The following GCM1 variants were observed in gnomAD, a reference collection of about 807,000 sequenced individuals.
GCM1 encodes chorion-specific transcription factor GCMa.
Under a neutral mutation model 25.7 loss-of-function variants are expected in GCM1, and 2 were observed. The observed-to-expected ratio is 0.08, with a 90% CI of 0.03 to 0.24. The LOEUF is 0.24. Ranked by LOEUF, GCM1 falls within the 10% of genes least tolerant of loss-of-function variation. The pLI, the probability that GCM1 is intolerant of heterozygous loss-of-function variation, is 1.00. For missense variants in GCM1, 395 were observed against 538.7 expected (o/e 0.73, Z 2.64); for synonymous variants, 183 against 195.7 (o/e 0.94, Z 0.54).
At chr6:53,139,618 G>A (rs974680488) in intron 2 of GCM1, among the ~76,000 whole-genome samples, 4 of 151,836 alleles carry the variant, frequency 2.6e-5, no homozygotes, top group Admixed American at 1.3e-4. Flanking sequence ...CTGTAATCCC[G>A]GCACTTTGGG....
At chr6:53,140,530 CAAAA>C (rs10629921) in intron 2 of GCM1, among the ~76,000 whole-genome samples, 4 of 128,594 alleles carry the variant, frequency 3.1e-5, no homozygotes, top group African/African-American at 1.1e-4. Flanking sequence ...TTCTCTCTAC[CAAAA>C]AAAAAAAAAA....
rs567097745 is a variant in GCM1 at position 53,129,044 on chromosome 6, T to C, written c.571-98A>G. ...TTACTCTGTACAAATAAGAGCTCCATCAGATTTTCCTCATTCCTTACACAT... is the reference window on the plus strand; with the variant it reads ...TTACTCTGTACAAATAAGAGCTCCACCAGATTTTCCTCATTCCTTACACAT... On this transcript the variant is annotated intron_variant, in intron 5 of 5. Coordinates refer to ENST00000259803, the MANE Select transcript of GCM1 (RefSeq NM_003643.4). 57 of 946,412 alleles carry C rather than the reference T, an allele frequency of 6.0e-5. No individual in the cohort carries two copies. In the African/African-American group the frequency reaches 8.0e-4, roughly 13 times the overall value. 58.6% of individuals were successfully genotyped at this position (946,412 alleles called of 1,614,324 possible). A position where few individuals can be genotyped will look rare whatever the true frequency, so the allele number is the denominator to read the frequency against.
At chr6:53,134,837 C>T (rs575725031) in intron 2 of GCM1, among the ~76,000 whole-genome samples, 4 of 152,154 alleles carry the variant, frequency 2.6e-5, no homozygotes, top group Admixed American at 6.5e-5. Context: ...AACATTGTGG[C>T]GGGATAGTGA....
At chr6:53,148,165 G>A (rs1178188570) in intron 1 of GCM1, among the ~76,000 whole-genome samples, 1 of 152,160 alleles carries the variant, frequency 6.6e-6, no homozygotes. Context: ...TAATTCAAAG[G>A]ACTTAAATAA....
chr6:53,136,032 A>G (rs1562089145), intron 2 of GCM1, among the ~76,000 whole-genome samples: 1 of 152,254 alleles, frequency 6.6e-6, no homozygotes, highest in East Asian at 1.9e-4. Context: ...TAGATTCCAT[A>G]TAACGATACT....
chr6:53,143,342 T>C (rs1369463444), intron 2 of GCM1, among the ~76,000 whole-genome samples: 2 of 152,206 alleles, frequency 1.3e-5, no homozygotes, highest in African/African-American at 4.8e-5. Context: ...GAGCCTCAAG[T>C]TTCCCTATAG....
At chr6:53,132,732 C>A (rs1387279328) in intron 3 of GCM1, among the ~76,000 whole-genome samples, 3 of 152,038 alleles carry the variant, frequency 2.0e-5, no homozygotes, top group Non-Finnish European at 4.4e-5. Context: ...AAGAGAAGTT[C>A]TTTCACTTCA....
At chr6:53,143,921 C>T (rs1763916451) in intron 2 of GCM1, among the ~76,000 whole-genome samples, 2 of 152,132 alleles carry the variant, frequency 1.3e-5, no homozygotes, top group South Asian at 2.1e-4. Flanking sequence ...GGAACAGTTA[C>T]AAAGATAGAG....
Position 53,127,561 on chromosome 6 carries a change from A to G in GCM1, c.*645T>C, listed in dbSNP as rs1417824439. On this transcript the variant is annotated 3_prime_UTR_variant, in exon 6 of 6. Coordinates refer to ENST00000259803, the MANE Select transcript of GCM1 (RefSeq NM_003643.4). ...TGTCTACTCCATTTCATTTGCAACA[A>G]TGACAATGAAAACCCAGCATGCAAT... The G allele has an allele frequency of 6.6e-6, 1 of 152,238 alleles. No individual in the cohort carries two copies. Among genetic ancestry groups the G allele is most frequent in the Non-Finnish European group, 1.5e-5 (1 of 68,088 alleles). 9.4% of individuals were successfully genotyped at this position (152,238 alleles called of 1,614,324 possible).
rs766060201 is a variant in GCM1, at chr6:53,134,068, T to G, written c.328+4A>C. The G allele has an allele frequency of 6.2e-7, 1 of 1,613,600 alleles. No individual in the cohort carries two copies. The highest frequency in any genetic ancestry group is 1.1e-5 in the South Asian group (1 of 91,064). On this transcript the variant is annotated splice_donor_region_variant and intron_variant, in intron 3 of 5. Coordinates refer to ENST00000259803, the MANE Select transcript of GCM1 (RefSeq NM_003643.4). ...TTTTGCTGGTGCCACTAAGCTCTAC[T>G]CACGCTGCTGCTTCTGCCGGGCCTT... is the stretch of plus-strand genomic sequence containing the variant.
In GCM1 at chr6:53,145,758, G is replaced by A; in HGVS notation, c.-126C>T. ...CTCAAGCACCTTGGACCAGGAGATT[G>A]TTTTCTAGGGCTAAAAAAATAAGTT... On this transcript the variant is annotated 5_prime_UTR_variant, in exon 2 of 6. Coordinates refer to ENST00000259803, the MANE Select transcript of GCM1 (RefSeq NM_003643.4). The A allele has an allele frequency of 1.6e-6, 1 of 626,432 alleles. No individual in the cohort carries two copies. Among genetic ancestry groups the A allele is most frequent in the Non-Finnish European group, 2.8e-6 (1 of 352,042 alleles). 38.8% of individuals were successfully genotyped at this position (626,432 alleles called of 1,614,324 possible). A position where few individuals can be genotyped will look rare whatever the true frequency, so the allele number is the denominator to read the frequency against.
At chr6:53,129,949 T>C (rs1763701207) in intron 5 of GCM1, among the ~76,000 whole-genome samples, 1 of 152,210 alleles carries the variant, frequency 6.6e-6, no homozygotes. Context: ...GTAAAACTAC[T>C]AGCTGTTAAG....
Position 53,128,958 on chromosome 6 carries a change from A to T in GCM1, c.571-12T>A. The T allele has an allele frequency of 6.2e-7, 1 of 1,606,308 alleles. No individual in the cohort carries two copies. Among genetic ancestry groups the T allele is most frequent in the Non-Finnish European group, 8.5e-7 (1 of 1,175,738 alleles). On this transcript the variant is annotated splice_polypyrimidine_tract_variant and intron_variant, in intron 5 of 5. Coordinates refer to ENST00000259803, the MANE Select transcript of GCM1 (RefSeq NM_003643.4). ...TCACCTGGAAGAGACTGGAAAGGAAAGTGAAATGCTCGTGTTAATAAGTTA... is the reference window on the plus strand; with the variant it reads ...TCACCTGGAAGAGACTGGAAAGGAATGTGAAATGCTCGTGTTAATAAGTTA...
In GCM1 at chr6:53,142,000, G is replaced by GGAAAAAAAAAAAAAAAAAAAAAA. The variant is rs1259951702; in HGVS notation, c.75+3557_75+3558insTTTTTTTTTTTTTTTTTTTTTTC. Among the ~76,000 whole-genome samples the GGAAAAAAAAAAAAAAAAAAAAAA allele has an allele frequency of 7.3e-4, 9 of 12,300 alleles. 1 individual carries two copies. The highest frequency in any genetic ancestry group is 6.9e-3 in the South Asian group (1 of 144). The allele number at this position is 12,300 out of a possible 152,430, so 8.1% of individuals were successfully genotyped here. On this transcript the variant is annotated intron_variant, in intron 2 of 5. Transcript: ENST00000259803. ...GCTTGGGTAATGAGAGTGAGACCCT[G>GGAAAAAAAAAAAAAAAAAAAAAA]AAAAAAAAAAAAAAAAAAAAAAAAA... is the stretch of plus-strand genomic sequence containing the variant.
chr6:53,128,806 G>A lies in GCM1; in HGVS notation c.711C>T (p.Ser237=), dbSNP rs145102927. ...PQQNSLNDCF[S]FSKSYGLGGI... is the part of the protein sequence containing the mutation. ...CTCCCAGACCATAACTCTTGGAGAAGGAAAAGCAATCATTTAGTGAGTTCT... is the reference window on the plus strand; with the variant it reads ...CTCCCAGACCATAACTCTTGGAGAAAGAAAAGCAATCATTTAGTGAGTTCT... The change falls in exon 6 of 6, where the codon TCC becomes TCT. Residue 237 remains serine (S), a synonymous_variant. Transcript: ENST00000259803. 2.7e-5 allele frequency: 44 copies of A among 1,613,606 alleles called. No homozygotes were observed. Among genetic ancestry groups the A allele is most frequent in the Non-Finnish European group, 3.5e-5 (41 of 1,179,636 alleles).
rs1163920280 is a variant in GCM1, at chr6:53,134,394, A to C, written c.76-70T>G. The C allele has an allele frequency of 3.5e-6, 5 of 1,430,910 alleles. No homozygotes were observed. The African/African-American group carries it at 7.1e-5, about 20-fold the overall frequency. 88.6% of individuals were successfully genotyped at this position (1,430,910 alleles called of 1,614,324 possible). A position where few individuals can be genotyped will look rare whatever the true frequency, so the allele number is the denominator to read the frequency against. ...CACAGCTGTCACCCACTGTGGAGTG[A>C]GTAGATAGGAAGGATGTTTTGGCAT... On this transcript the variant is annotated intron_variant, in intron 2 of 5. Coordinates refer to ENST00000259803, the MANE Select transcript of GCM1 (RefSeq NM_003643.4).
chr6:53,131,096 C>T (rs1038457258), intron 4 of GCM1, among the ~76,000 whole-genome samples, 165 bp from the exon 5 acceptor site: 27 of 152,204 alleles, frequency 1.8e-4, no homozygotes, highest in Non-Finnish European at 1.0e-4. Flanking sequence ...CCAAGCCCAC[C>T]ATGCTCCTGC....
chr6:53,132,000 A>T lies in GCM1; in HGVS notation c.441+7T>A. ...AAACTCTCACGTAACTAACTCAAAA[A>T]TCCAACCTGGAAAAATATAAAGCGT... On this transcript the variant is annotated splice_region_variant and intron_variant, in intron 4 of 5. Coordinates refer to ENST00000259803, the MANE Select transcript of GCM1 (RefSeq NM_003643.4). 1 of 1,566,326 alleles carries T rather than the reference A, an allele frequency of 6.4e-7. No homozygotes were observed. The highest frequency in any genetic ancestry group is 8.8e-7 in the Non-Finnish European group (1 of 1,136,472).
At chr6:53,144,994 GAA>G (rs397770066) in intron 2 of GCM1, among the ~76,000 whole-genome samples, 4 of 138,482 alleles carry the variant, frequency 2.9e-5, no homozygotes, top group East Asian at 2.1e-4. Context: ...AAGAGAGAGA[GAA>G]AGAAAGAAAA....
Sources: allele counts gnomAD v4.1 joint callset (sites outside exome capture counted in the v4.1 genomes callset), GRCh38; gene constraint gnomAD v4.1.1; transcripts MANE v1.5; gene names NCBI Gene and HGNC (gene_info 2026-07-23, HGNC 2026-07-21).